PARD3B: variants seen among roughly 807,000 people sequenced by gnomAD.
The protein encoded by PARD3B is partitioning defective 3 homolog B.
Under a neutral mutation model 130.2 loss-of-function variants are expected in PARD3B, and 103 were observed. The observed-to-expected ratio is 0.79, with a 90% CI of 0.67 to 0.93. PARD3B has a LOEUF of 0.93. Among genes scored for constraint, PARD3B ranks in the 40% least tolerant of loss-of-function variants. The pLI is 0.00. For synonymous variants in PARD3B, 583 were observed against 553.2 expected (o/e 1.05, Z -0.76); for missense variants, 1,609 against 1,499.2 (o/e 1.07, Z -1.21).
intron 2 of PARD3B, among the ~76,000 whole-genome samples, chr2:204,935,203 C>G (rs1259280915): frequency 7.3e-6 from 1 of 137,400 alleles, no homozygotes; most frequent in African/African-American, 2.8e-5. Context: ...ACTTAAGTTT[C>G]TCATGTTAGA....
At chr2:204,795,951 G>C (rs1003265184) in intron 2 of PARD3B, among the ~76,000 whole-genome samples, 12 of 151,964 alleles carry the variant, frequency 7.9e-5, no homozygotes, top group Admixed American at 7.9e-4. Context: ...AATTTAACAG[G>C]TTTTAACAAG....
At chr2:205,472,869 A>AG (rs774232045) in intron 20 of PARD3B, among the ~76,000 whole-genome samples, 13 of 152,158 alleles carry the variant, frequency 8.5e-5, no homozygotes, top group South Asian at 6.2e-4. Flanking sequence ...AGTTGTATAG[A>AG]GGGGGGGAAC....
At chr2:204,715,150 T>G (rs1559082528) in intron 2 of PARD3B, among the ~76,000 whole-genome samples, 1 of 152,202 alleles carries the variant, frequency 6.6e-6, no homozygotes, top group East Asian at 1.9e-4. Flanking sequence ...GAAATCCTTG[T>G]GTTCAGAAGT....
chr2:204,830,372 G>A (rs2043771219), intron 2 of PARD3B, among the ~76,000 whole-genome samples: 1 of 152,134 alleles, frequency 6.6e-6, no homozygotes, highest in Admixed American at 6.5e-5. Context: ...GTAATACCTT[G>A]CTCATAGGGC....
At chr2:205,182,183 G>A (rs373690382) in intron 13 of PARD3B, among the ~76,000 whole-genome samples, 3 of 151,748 alleles carry the variant, frequency 2.0e-5, no homozygotes, top group East Asian at 1.9e-4. Flanking sequence ...TCCCAGCTAC[G>A]CGGGAGGCTG....
At chr2:205,379,390 A>C (rs149722718) in intron 18 of PARD3B, among the ~76,000 whole-genome samples, 124 of 152,180 alleles carry the variant, frequency 8.1e-4, no homozygotes, top group African/African-American at 2.8e-3. Context: ...TGAAATCTAC[A>C]TGTGCATGCT....
At chr2:204,708,210 A>C (rs555277461) in intron 2 of PARD3B, among the ~76,000 whole-genome samples, 1 of 152,114 alleles carries the variant, frequency 6.6e-6, no homozygotes, top group Non-Finnish European at 1.5e-5. Flanking sequence ...GAGTCTCACC[A>C]TGTTGCCCAG....
chr2:205,109,185 C>T (rs538238439), intron 5 of PARD3B, among the ~76,000 whole-genome samples: 168 of 152,312 alleles, frequency 1.1e-3, no homozygotes, highest in African/African-American at 4.0e-3. Context: ...TAGATTTTTA[C>T]TCAGTACATT....
chr2:204,597,361 G>C (rs913847535), intron 1 of PARD3B, among the ~76,000 whole-genome samples: 3 of 152,096 alleles, frequency 2.0e-5, no homozygotes, highest in East Asian at 1.9e-4. Flanking sequence ...TCCAGGTGTG[G>C]ATGCTTTGTG....
intron 19 of PARD3B, among the ~76,000 whole-genome samples, chr2:205,439,183 T>A (rs2047625372): frequency 6.6e-6 from 1 of 152,090 alleles, no homozygotes; most frequent in South Asian, 2.1e-4. Context: ...CTGATGGGTT[T>A]CAGTTGTTTT....
Position 205,590,762 on chromosome 2 carries a change from C to T in PARD3B, c.3261-24694C>T, listed in dbSNP as rs1171795373. ...CAAGGATGAAGGAGAAAAGTAGAAGCTGTTGCCACATATTCACAAGAAGTA... is the reference window on the plus strand; with the variant it reads ...CAAGGATGAAGGAGAAAAGTAGAAGTTGTTGCCACATATTCACAAGAAGTA... On this transcript the variant is annotated intron_variant, in intron 22 of 22. Transcript: ENST00000406610. The surrounding 1 kb of genome is among the most constrained non-coding windows in gnomAD (Gnocchi z 4.1). Among the ~76,000 whole-genome samples, 7 of 152,150 alleles carry T rather than the reference C, an allele frequency of 4.6e-5. No homozygotes were observed. The highest frequency in any genetic ancestry group is 8.8e-5 in the Non-Finnish European group (6 of 68,026).
intron 15 of PARD3B, among the ~76,000 whole-genome samples, chr2:205,203,081 T>C (rs1211188730): frequency 6.6e-6 from 1 of 152,124 alleles, no homozygotes; most frequent in African/African-American, 2.4e-5. Flanking sequence ...AATGTCACTG[T>C]CTCTAAGAGA....
At chr2:204,962,490 G>A (rs746500372) in intron 2 of PARD3B, among the ~76,000 whole-genome samples, 2 of 152,106 alleles carry the variant, frequency 1.3e-5, no homozygotes, top group Admixed American at 1.3e-4. Context: ...TGGGTTTAAA[G>A]GCAAGGAGGG....
chr2:205,381,710 T>C (rs1409924601), intron 18 of PARD3B, among the ~76,000 whole-genome samples: 1 of 152,016 alleles, frequency 6.6e-6, no homozygotes, highest in Admixed American at 6.6e-5. Flanking sequence ...GTGGTATGTA[T>C]TGGTAGACAA....
At chr2:205,505,333 A>G (rs1382070961) in intron 21 of PARD3B, among the ~76,000 whole-genome samples, 1 of 152,194 alleles carries the variant, frequency 6.6e-6, no homozygotes, top group Non-Finnish European at 1.5e-5. Context: ...TGGCACATGT[A>G]TACATATGTA....
intron 22 of PARD3B, among the ~76,000 whole-genome samples, chr2:205,614,328 G>A (rs2055343052): frequency 1.3e-5 from 2 of 152,260 alleles, no homozygotes; most frequent in African/African-American, 4.8e-5. Context: ...ACAACTTACA[G>A]CTGGTTTGGC....
chr2:205,176,707 C>A lies in PARD3B; in HGVS notation c.1924+130C>A. 9.8e-7 allele frequency: 1 copy of A among 1,020,928 alleles called. No homozygotes were observed. The highest frequency in any genetic ancestry group is 1.4e-6 in the Non-Finnish European group (1 of 739,112). 63.2% of individuals were successfully genotyped at this position (1,020,928 alleles called of 1,614,324 possible). On this transcript the variant is annotated intron_variant, in intron 13 of 22. Transcript: ENST00000406610. The surrounding 1 kb of genome is among the most constrained non-coding windows in gnomAD (Gnocchi z 5.3). The stretch of plus-strand genomic sequence containing the variant: ...AAGTGCAGACTTTGTTACTCGGAGT[C>A]ACAAACACTGAGAGAGTTGGGGGAG...
At chr2:204,546,485 C>T (rs2029948672) in intron 1 of PARD3B, among the ~76,000 whole-genome samples, 1 of 152,196 alleles carries the variant, frequency 6.6e-6, no homozygotes, top group African/African-American at 2.4e-5. Flanking sequence ...GAGGGAACGT[C>T]TTAAAAGGTG....
chr2:205,134,919 G>C (rs2032342314), intron 10 of PARD3B, among the ~76,000 whole-genome samples: 1 of 151,270 alleles, frequency 6.6e-6, no homozygotes, highest in African/African-American at 2.4e-5. Flanking sequence ...GAAGGTAGTG[G>C]AAGGAGGAGT....
Sources: gnomAD v4.1 joint callset for allele counts (sites outside exome capture counted in the v4.1 genomes callset) on GRCh38, gnomAD v4.1.1 for gene constraint, Gnocchi (gnomAD v3.1) non-coding constraint, MANE v1.5 for transcripts, NCBI Gene and HGNC (gene_info 2026-07-23, HGNC 2026-07-21) for gene names.